The following HIVEP3 variants were observed in gnomAD, a reference collection of about 807,000 sequenced individuals.
HIVEP3 encodes transcription factor HIVEP3.
HIVEP3 carries 49 observed loss-of-function variants against 152.8 expected under a neutral mutation model. The observed-to-expected ratio is 0.32, with a 90% CI of 0.26 to 0.41. HIVEP3 has a LOEUF of 0.41. Among genes scored for constraint, HIVEP3 ranks in the 10% least tolerant of loss-of-function variants. HIVEP3 has a pLI of 1.00. For missense variants in HIVEP3, 2,790 were observed against 3,103.3 expected, an observed-to-expected ratio of 0.90 and a Z score of 2.40; for synonymous variants, 1,269 against 1,289.0, an observed-to-expected ratio of 0.98 and a Z score of 0.33.
At chr1:41,788,999 C>T (rs1649530200) in intron 1 of HIVEP3, among the ~76,000 whole-genome samples, 1 of 152,230 alleles carries the variant, frequency 6.6e-6, no homozygotes, top group Admixed American at 6.5e-5. Context: ...CGCCCCCTGG[C>T]TCCTCGTCCC....
intron 6 of HIVEP3, among the ~76,000 whole-genome samples, chr1:41,521,349 T>C (rs1642754921): frequency 6.6e-6 from 1 of 152,212 alleles, no homozygotes; most frequent in Non-Finnish European, 1.5e-5. Flanking sequence ...GTTTTACCTT[T>C]CTCAGGAGAA....
At chr1:41,610,757 A>G (rs1335853801) in intron 3 of HIVEP3, among the ~76,000 whole-genome samples, 1 of 152,186 alleles carries the variant, frequency 6.6e-6, no homozygotes, top group Non-Finnish European at 1.5e-5. Flanking sequence ...CTTGTGAGGC[A>G]TTCGCACTCT....
At position 41,585,184 on chromosome 1, in the gene HIVEP3, G is replaced by A. The variant is rs1442922023; in HGVS notation, c.-387C>T. ...GCTATGCAAACGGTTGAAGGTTGGAGACATCTGTGTCCATGGCCCAGTCAT... is the reference window on the plus strand; with the variant it reads ...GCTATGCAAACGGTTGAAGGTTGGAAACATCTGTGTCCATGGCCCAGTCAT... On this transcript the variant is annotated 5_prime_UTR_variant, in exon 4 of 9. Transcript: ENST00000372583. 2.5e-6 allele frequency: 1 copy of A among 399,214 alleles called. No individual in the cohort carries two copies. The highest frequency in any genetic ancestry group is 4.4e-6 in the Non-Finnish European group (1 of 226,414). 24.7% of individuals were successfully genotyped at this position (399,214 alleles called of 1,614,324 possible).
chr1:42,027,428 T>G (rs1450243336), intron 1 of HIVEP3, among the ~76,000 whole-genome samples: 2 of 152,208 alleles, frequency 1.3e-5, no homozygotes, highest in Non-Finnish European at 2.9e-5. Flanking sequence ...TCATGTCACC[T>G]GTGCTCAAAA....
intron 1 of HIVEP3, among the ~76,000 whole-genome samples, chr1:41,728,989 C>T (rs979830241): frequency 6.6e-6 from 1 of 152,192 alleles, no homozygotes; most frequent in South Asian, 2.1e-4. Flanking sequence ...CCCACAATCT[C>T]CACGTGGCTG....
intron 2 of HIVEP3, among the ~76,000 whole-genome samples, chr1:41,699,454 C>T (rs1403038909): frequency 6.6e-6 from 1 of 152,248 alleles, no homozygotes; most frequent in Non-Finnish European, 1.5e-5. Flanking sequence ...ACAGAAATCA[C>T]TCTAGTACAA....
At chr1:41,858,276 G>T (rs577139545) in intron 1 of HIVEP3, among the ~76,000 whole-genome samples, 1 of 152,080 alleles carries the variant, frequency 6.6e-6, no homozygotes, top group African/African-American at 2.4e-5. Flanking sequence ...CTTCTAGGCC[G>T]GTGATCCCCA....
At chr1:41,635,602 GTA>G (rs1553240722) in intron 2 of HIVEP3, among the ~76,000 whole-genome samples, 1 of 22,448 alleles carries the variant, frequency 4.5e-5, no homozygotes, top group East Asian at 6.9e-4. Flanking sequence ...ACATACGTAT[GTA>G]TATATACATA....
intron 1 of HIVEP3, among the ~76,000 whole-genome samples, chr1:41,955,867 C>T (rs1263540351): frequency 6.6e-6 from 1 of 152,182 alleles, no homozygotes; most frequent in Non-Finnish European, 1.5e-5. Flanking sequence ...GGTTAGGTTG[C>T]TTAGAAAAGG....
rs1483547571 is a variant in HIVEP3 at position 41,581,922 on chromosome 1, G to A, written c.2876C>T (p.Ala959Val). The A allele has an allele frequency of 2.5e-6, 4 of 1,614,158 alleles. No individual in the cohort carries two copies. In the South Asian group the frequency reaches 3.3e-5, roughly 13 times the overall value. ...FERDDHGKAE[A>V]PSPSSDMRPK... ...GCGCATGTCAGATGAGGGACTGGGG[G>A]CCTCGGCTTTCCCATGGTCATCCCT... Residue 959 changes from alanine to valine, a missense_variant, in exon 4 of 9, where the codon GCC (alanine) becomes GTC (valine). Transcript: ENST00000372583. The surrounding 1 kb of genome is among the most constrained non-coding windows in gnomAD (Gnocchi z 4.5).
At chr1:41,751,861 G>A (rs1403913368) in intron 1 of HIVEP3, among the ~76,000 whole-genome samples, 1 of 152,168 alleles carries the variant, frequency 6.6e-6, no homozygotes, top group African/African-American at 2.4e-5. Flanking sequence ...CTGCCGATGA[G>A]CAAGTGGGGG....
chr1:41,879,498 T>C (rs16828848), intron 1 of HIVEP3, among the ~76,000 whole-genome samples: 2,542 of 152,356 alleles, frequency 0.017, 70 homozygotes, highest in African/African-American at 0.057. Context: ...AGTTTCCTTA[T>C]TGAAGCCAAT....
intron 2 of HIVEP3, among the ~76,000 whole-genome samples, chr1:41,695,673 G>C (rs1646262722): frequency 6.6e-6 from 1 of 152,150 alleles, no homozygotes; most frequent in African/African-American, 2.4e-5. Context: ...GTCAGGTGAG[G>C]GCATATGGGC....
intron 1 of HIVEP3, among the ~76,000 whole-genome samples, chr1:41,728,704 T>C (rs972910890): frequency 7.2e-5 from 11 of 152,172 alleles, no homozygotes; most frequent in Non-Finnish European, 2.9e-5. Context: ...TAGGGTCAGC[T>C]TCTACAGCCA....
In HIVEP3 at chr1:41,581,593, T is replaced by A. The variant is rs906055190; in HGVS notation, c.3205A>T (p.Ser1069Cys). ...LEVAPKGRQE[S>C]EEPQPSSSKP... ...CTGGATGAGGGCTGTGGTTCTTCGCTCTCCTGTCTTCCCTTGGGGGCAACC... is the reference window on the plus strand; with the variant it reads ...CTGGATGAGGGCTGTGGTTCTTCGCACTCCTGTCTTCCCTTGGGGGCAACC... Residue 1069 changes from serine to cysteine, a missense_variant, in exon 4 of 9, where the codon AGC (serine) becomes TGC (cysteine). Physicochemically the swap from Ser to Cys is moderately radical, Grantham distance 112. This residue lies in a region of HIVEP3 where 1,078 missense variants were observed against 1,165.3 expected (regional missense o/e 0.93). Transcript: ENST00000372583. This position sits in a 1 kb window ranked among gnomAD's most constrained non-coding sequence, Gnocchi z 4.5. 3.1e-6 allele frequency: 5 copies of A among 1,613,754 alleles called. No homozygotes were observed. Among genetic ancestry groups the A allele is most frequent in the Non-Finnish European group, 4.2e-6 (5 of 1,179,880 alleles).
At chr1:41,558,059 G>A (rs868153979) in intron 5 of HIVEP3, among the ~76,000 whole-genome samples, 3 of 152,204 alleles carry the variant, frequency 2.0e-5, no homozygotes, top group African/African-American at 2.4e-5. Context: ...GCAGAGCTGG[G>A]ATTGAACTGG....
intron 1 of HIVEP3, among the ~76,000 whole-genome samples, chr1:41,834,926 T>G (rs911027521): frequency 6.6e-6 from 1 of 152,006 alleles, no homozygotes; most frequent in African/African-American, 2.4e-5. Flanking sequence ...AGGAGAGCAG[T>G]GACCAGGAAT....
intron 3 of HIVEP3, among the ~76,000 whole-genome samples, chr1:41,586,188 G>T (rs1265102212): frequency 6.6e-6 from 1 of 152,218 alleles, no homozygotes; most frequent in Non-Finnish European, 1.5e-5. Context: ...GAGGAGCAAA[G>T]TTGGTCTGCA....
chr1:41,684,466 G>T (rs1291202357), intron 2 of HIVEP3, among the ~76,000 whole-genome samples: 1 of 152,186 alleles, frequency 6.6e-6, no homozygotes, highest in Admixed American at 6.5e-5. Context: ...CTGCCCTCCT[G>T]CTGGGGTCAG....
Sources: gnomAD v4.1 joint callset for allele counts (sites outside exome capture counted in the v4.1 genomes callset) on GRCh38, gnomAD v4.1.1 for gene constraint, gnomAD v4.1.1 regional missense constraint, Gnocchi (gnomAD v3.1) non-coding constraint, MANE v1.5 for transcripts, NCBI Gene and HGNC (gene_info 2026-07-23, HGNC 2026-07-21) for gene names.